The following FUT9 variants were observed in gnomAD, a reference collection of about 807,000 sequenced individuals.
The protein encoded by FUT9 is 4-galactosyl-N-acetylglucosaminide 3-alpha-L-fucosyltransferase 9.
FUT9 carries 15 observed loss-of-function variants against 29.7 expected under a neutral mutation model. The observed-to-expected ratio is 0.51, with a 90% confidence interval of 0.34 to 0.78. The LOEUF (loss-of-function observed/expected upper bound fraction) is 0.78. Among genes scored for constraint, FUT9 ranks in the 30% least tolerant of loss-of-function variants. The pLI, the probability that FUT9 is intolerant of heterozygous loss-of-function variation, is 0.01. For synonymous variants in FUT9, 169 were observed against 153.7 expected (o/e 1.10, Z -0.74); for missense variants, 319 against 425.4 (o/e 0.75, Z 2.20).
At chr6:96,122,483 T>C (rs1772048028) in intron 2 of FUT9, among the ~76,000 whole-genome samples, 1 of 152,210 alleles carries the variant, frequency 6.6e-6, no homozygotes, top group Non-Finnish European at 1.5e-5. Flanking sequence ...ACAGAATTAT[T>C]TGCCTATGTT....
chr6:96,069,188 G>T, intron 1 of FUT9, among the ~76,000 whole-genome samples: 1 of 152,064 alleles, frequency 6.6e-6, no homozygotes, highest in Non-Finnish European at 1.5e-5. Flanking sequence ...GGTGGCACGT[G>T]CCTGTAATCC....
chr6:96,193,813 T>C (rs1300758695), intron 2 of FUT9, among the ~76,000 whole-genome samples: 7 of 152,118 alleles, frequency 4.6e-5, no homozygotes, highest in South Asian at 2.1e-4. Flanking sequence ...CAAATGTTGA[T>C]CAATGATAGA....
At chr6:96,076,674 A>C (rs1771146544) in intron 1 of FUT9, among the ~76,000 whole-genome samples, 1 of 152,184 alleles carries the variant, frequency 6.6e-6, no homozygotes, top group South Asian at 2.1e-4. Context: ...ATATATAGAA[A>C]TATAAATATT....
rs955284051 is a variant in FUT9 at position 96,212,771 on chromosome 6, G to T, written c.*8536G>T. 5.9e-6 allele frequency: 1 copy of T among 168,382 alleles called. No homozygotes were observed. The highest frequency in any genetic ancestry group is 6.5e-5 in the Admixed American group (1 of 15,274). 10.4% of individuals were successfully genotyped at this position (168,382 alleles called of 1,614,324 possible). On this transcript the variant is annotated 3_prime_UTR_variant, in exon 3 of 3. Coordinates refer to ENST00000302103, the MANE Select transcript of FUT9 (RefSeq NM_006581.4). ...CAAGACAATACGAATGTAGAGAAGAGATTTTTAAATGGAAAAAGTAAGGAG... is the reference window on the plus strand; with the variant it reads ...CAAGACAATACGAATGTAGAGAAGATATTTTTAAATGGAAAAAGTAAGGAG...
intron 1 of FUT9, among the ~76,000 whole-genome samples, chr6:96,075,317 C>T (rs111497201): frequency 3.3e-5 from 5 of 152,102 alleles, no homozygotes; most frequent in African/African-American, 1.2e-4. Context: ...CCTTTGCATA[C>T]ATCAGAAACA....
chr6:96,016,750 A>G (rs1219964012), intron 1 of FUT9, among the ~76,000 whole-genome samples: 2 of 152,060 alleles, frequency 1.3e-5, no homozygotes, highest in South Asian at 2.1e-4. Flanking sequence ...CCTCTACACA[A>G]TGGTGCCTGT....
At chr6:96,137,219 G>T (rs1310721340) in intron 2 of FUT9, among the ~76,000 whole-genome samples, 1 of 151,862 alleles carries the variant, frequency 6.6e-6, no homozygotes, top group African/African-American at 2.4e-5. Flanking sequence ...AAAAATATGA[G>T]CCAACCAAAA....
chr6:96,146,604 A>G (rs1262059150), intron 2 of FUT9, among the ~76,000 whole-genome samples: 1 of 152,230 alleles, frequency 6.6e-6, no homozygotes, highest in Non-Finnish European at 1.5e-5. Flanking sequence ...AACTACATTT[A>G]AAGAGAAATA....
At chr6:96,167,956 T>A (rs1773044000) in intron 2 of FUT9, among the ~76,000 whole-genome samples, 1 of 152,128 alleles carries the variant, frequency 6.6e-6, no homozygotes, top group Non-Finnish European at 1.5e-5. Context: ...AGACTATAAA[T>A]ATAAGTTGAA....
At chr6:96,142,385 G>A (rs1056004714) in intron 2 of FUT9, among the ~76,000 whole-genome samples, 1 of 152,160 alleles carries the variant, frequency 6.6e-6, no homozygotes, top group African/African-American at 2.4e-5. Flanking sequence ...AGAGGTCTGG[G>A]CTATGTCAGT....
intron 2 of FUT9, among the ~76,000 whole-genome samples, chr6:96,156,666 A>G (rs948935098): frequency 3.3e-5 from 5 of 152,136 alleles, no homozygotes; most frequent in Non-Finnish European, 7.3e-5. Flanking sequence ...TGCACAAAAT[A>G]TCTGGTGTAG....
intron 2 of FUT9, among the ~76,000 whole-genome samples, chr6:96,173,100 T>C (rs1773142551): frequency 6.6e-6 from 1 of 152,076 alleles, no homozygotes; most frequent in African/African-American, 2.4e-5. Flanking sequence ...CAGACACACA[T>C]TATTCTGTCC....
At chr6:96,179,767 T>C (rs1773272259) in intron 2 of FUT9, among the ~76,000 whole-genome samples, 1 of 149,902 alleles carries the variant, frequency 6.7e-6, no homozygotes, top group African/African-American at 2.4e-5. Flanking sequence ...AAAAAAAATA[T>C]GTTTTCAGAA....
At position 96,076,642 on chromosome 6, in the gene FUT9, T is replaced by G. The variant is rs982343484; in HGVS notation, c.-97-37397T>G. 7.2e-5 allele frequency among the ~76,000 whole-genome samples: 11 copies of G among 152,216 alleles called. 1 individual carries two copies. In the South Asian group the frequency reaches 1.4e-3, roughly 20 times the overall value. On this transcript the variant is annotated intron_variant, in intron 1 of 2. Transcript: ENST00000302103. Reference sequence around the variant, plus strand: ...GTATAAAGTAAATAATTTAAATTATTGTCAATGTATTATACTGTTTGATAT... The same window carrying G: ...GTATAAAGTAAATAATTTAAATTATGGTCAATGTATTATACTGTTTGATAT...
rs926520347 is a variant in FUT9, at chr6:96,158,411, C to G, written c.-9+44284C>G. 2.0e-5 allele frequency among the ~76,000 whole-genome samples: 3 copies of G among 151,992 alleles called. No homozygotes were observed. In the South Asian group the frequency reaches 6.2e-4, roughly 32 times the overall value. ...ATGTATGTGTGTGTATTTCCTGAGA[C>G]TTACTAAGATATTTTATTAAGACAA... is the stretch of plus-strand genomic sequence containing the variant. On this transcript the variant is annotated intron_variant, in intron 2 of 2. Transcript: ENST00000302103.
At position 96,063,179 on chromosome 6, in the gene FUT9, T is replaced by C. The variant is rs756616904; in HGVS notation, c.-98+46967T>C. ...CTGTGGATTTATGGAAAATGAGAAATATAAAAGCTGGCTGACAATTTAGGG... is the reference window on the plus strand; with the variant it reads ...CTGTGGATTTATGGAAAATGAGAAACATAAAAGCTGGCTGACAATTTAGGG... On this transcript the variant is annotated intron_variant, in intron 1 of 2. Transcript: ENST00000302103. Among the ~76,000 whole-genome samples the C allele has an allele frequency of 2.6e-4, 40 of 152,154 alleles. 1 individual carries two copies. The highest frequency in any genetic ancestry group is 5.2e-4 in the Admixed American group (8 of 15,266).
At chr6:96,188,658 T>C (rs1168716995) in intron 2 of FUT9, among the ~76,000 whole-genome samples, 1 of 151,128 alleles carries the variant, frequency 6.6e-6, no homozygotes, top group Non-Finnish European at 1.5e-5. Context: ...TGTGTGTGTG[T>C]GTGTTTAAAC....
At chr6:96,052,505 C>T (rs7751278) in intron 1 of FUT9, among the ~76,000 whole-genome samples, 89,106 of 152,048 alleles carry the variant, frequency 0.59, 26,239 homozygotes, top group South Asian at 0.63. Context: ...TTCTGTTATT[C>T]ATTAAGCACA....
intron 2 of FUT9, among the ~76,000 whole-genome samples, chr6:96,139,584 C>T (rs974334120): frequency 3.3e-5 from 5 of 152,162 alleles, no homozygotes; most frequent in African/African-American, 7.2e-5. Context: ...CATGACCCTC[C>T]GCCCCTGCGG....
Sources: allele counts gnomAD v4.1 joint callset (sites outside exome capture counted in the v4.1 genomes callset), GRCh38; gene constraint gnomAD v4.1.1; transcripts MANE v1.5; gene names NCBI Gene and HGNC (gene_info 2026-07-23, HGNC 2026-07-21).